GLIS1: variants seen among roughly 807,000 people sequenced by gnomAD.
GLIS1 encodes GLIS family zinc finger 1, also known as zinc finger protein GLIS1.
Under a neutral mutation model 63.8 loss-of-function variants are expected in GLIS1, and 24 were observed. That is an observed-to-expected ratio of 0.38 (90% CI 0.27 to 0.53). The LOEUF (loss-of-function observed/expected upper bound fraction) is 0.53, where lower values mean the gene tolerates loss of function less well. Ranked by LOEUF, GLIS1 falls within the 20% of genes least tolerant of loss-of-function variation. GLIS1 has a pLI of 0.85. For synonymous variants in GLIS1, 450 were observed against 482.5 expected (o/e 0.93, Z 0.88); for missense variants, 1,036 against 1,074.1 (o/e 0.96, Z 0.50).
At chr1:53,527,763 T>C (rs1021409058) in intron 5 of GLIS1, among the ~76,000 whole-genome samples, 2 of 152,154 alleles carry the variant, frequency 1.3e-5, no homozygotes, top group African/African-American at 4.8e-5. Flanking sequence ...GCGGTGTTTA[T>C]GTGGGGAGCT....
chr1:53,525,366 CACCGG>C (rs1644455412), intron 5 of GLIS1, among the ~76,000 whole-genome samples: 1 of 51,312 alleles, frequency 1.9e-5, no homozygotes, highest in Admixed American at 2.5e-4. Context: ...GGTGCAGAGG[CACCGG>C]ACTGCTCTTG....
chr1:53,687,346 A>G (rs1646348374), intron 2 of GLIS1, among the ~76,000 whole-genome samples: 1 of 152,154 alleles, frequency 6.6e-6, no homozygotes, highest in African/African-American at 2.4e-5. Flanking sequence ...AGAAAGAAAG[A>G]GTCTCCTAAG....
At chr1:53,579,014 G>A (rs1557460914) in intron 4 of GLIS1, among the ~76,000 whole-genome samples, 1 of 149,116 alleles carries the variant, frequency 6.7e-6, no homozygotes, top group Non-Finnish European at 1.5e-5. Flanking sequence ...AGAACCTACA[G>A]TCCATGATAC....
At chr1:53,709,587 G>A (rs369421725) in intron 2 of GLIS1, among the ~76,000 whole-genome samples, 26 of 151,880 alleles carry the variant, frequency 1.7e-4, no homozygotes, top group East Asian at 1.2e-3. Context: ...TGGACAAGGA[G>A]GTGTACAGAT....
At chr1:53,523,013 G>A (rs1169924912) in intron 6 of GLIS1, among the ~76,000 whole-genome samples, 2 of 59,134 alleles carry the variant, frequency 3.4e-5, no homozygotes, top group Admixed American at 2.9e-4. Flanking sequence ...TTTGAGACAG[G>A]GTCTTGCTCT....
At chr1:53,685,540 T>A (rs1646327252) in intron 2 of GLIS1, among the ~76,000 whole-genome samples, 2 of 152,214 alleles carry the variant, frequency 1.3e-5, no homozygotes. Context: ...TACAATCTGA[T>A]TAGCAGGCTG....
rs768935299 is a variant in GLIS1 at position 53,594,439 on chromosome 1, T to C, written c.989A>G (p.Glu330Gly). The change falls in exon 4 of 11, where the codon GAG (glutamate) becomes GGG (glycine). Residue 330 changes from glutamate (E) to glycine (G), a missense_variant. Glu to Gly is a moderately conservative substitution (Grantham distance 98, BLOSUM62 -2). Transcript: ENST00000628545. ...LKQEPADEFS[E>G]LFGPHQQGLP... is the part of the protein sequence containing the mutation. ...GCCCTGCTGGTGAGGCCCAAAGAGC[T>C]CTGAAAACTCATCCGCGGGTTCCTG... 3 of 1,612,862 alleles carry C rather than the reference T, an allele frequency of 1.9e-6. No homozygotes were observed. Among genetic ancestry groups the C allele is most frequent in the Non-Finnish European group, 1.7e-6 (2 of 1,179,982 alleles).
At chr1:53,632,224 CTGAGTGTGACTGAGGGGTATGTGTA>C (rs1438697105) in intron 2 of GLIS1, among the ~76,000 whole-genome samples, 1 of 125,404 alleles carries the variant, frequency 8.0e-6, no homozygotes, top group Non-Finnish European at 1.6e-5. Flanking sequence ...GGGCGTGTGA[CTGAGTGTGACTGAGGGGTATGTGTA>C]TGAGTGTGAC....
intron 4 of GLIS1, among the ~76,000 whole-genome samples, chr1:53,554,776 A>T (rs572447113): frequency 6.6e-6 from 1 of 152,294 alleles, no homozygotes; most frequent in African/African-American, 2.4e-5. Flanking sequence ...GCTGGGGCAC[A>T]TTCCCCTGAG....
In GLIS1 at chr1:53,506,849, G is replaced by A. The variant is rs368783509; in HGVS notation, c.2231-73C>T. The A allele has an allele frequency of 2.0e-5, 28 of 1,410,434 alleles. No homozygotes were observed. The African/African-American group carries it at 2.8e-4, about 14-fold the overall frequency. 87.4% of individuals were successfully genotyped at this position (1,410,434 alleles called of 1,614,324 possible). On this transcript the variant is annotated intron_variant, in intron 10 of 10. Transcript: ENST00000628545. ...GCCTGCGCATGCTTCCCAGTTCCAG[G>A]CCCCACCCCGCCTGCCCAGGGTCAT...
chr1:53,532,404 C>G (rs189415273), intron 4 of GLIS1, among the ~76,000 whole-genome samples: 1 of 152,282 alleles, frequency 6.6e-6, no homozygotes, highest in Admixed American at 6.5e-5. Context: ...CTGCGCCTGT[C>G]CCCTGGAAGC....
intron 6 of GLIS1, among the ~76,000 whole-genome samples, chr1:53,521,604 G>T (rs1253724518): frequency 6.6e-6 from 1 of 152,188 alleles, no homozygotes; most frequent in African/African-American, 2.4e-5. Flanking sequence ...AAGTGCTGTA[G>T]TAGGGGTGGC....
At chr1:53,711,519 C>T (rs952521821) in intron 2 of GLIS1, among the ~76,000 whole-genome samples, 3 of 152,240 alleles carry the variant, frequency 2.0e-5, no homozygotes, top group Non-Finnish European at 4.4e-5. Flanking sequence ...GCTTCTCCTC[C>T]AGGTGGGGAG....
intron 2 of GLIS1, among the ~76,000 whole-genome samples, chr1:53,672,036 GC>G (rs528616567): frequency 6.6e-6 from 1 of 152,308 alleles, no homozygotes; most frequent in East Asian, 1.9e-4. Context: ...TACACAGCAG[GC>G]CCTGGCCAAG....
chr1:53,680,271 A>G (rs1016572506), intron 2 of GLIS1, among the ~76,000 whole-genome samples: 1 of 152,212 alleles, frequency 6.6e-6, no homozygotes, highest in Admixed American at 6.5e-5. Flanking sequence ...TCCATCACAT[A>G]AGCCTCATAG....
intron 7 of GLIS1, among the ~76,000 whole-genome samples, chr1:53,519,595 C>T (rs1478120160): frequency 6.6e-6 from 1 of 152,182 alleles, no homozygotes; most frequent in Non-Finnish European, 1.5e-5. Context: ...CTTATCTGGG[C>T]TGGATGCCTA....
chr1:53,590,099 T>C (rs557789016), intron 4 of GLIS1, among the ~76,000 whole-genome samples: 1 of 152,368 alleles, frequency 6.6e-6, no homozygotes, highest in East Asian at 1.9e-4. Context: ...CCAGGGCTAC[T>C]GTACACATCA....
intron 4 of GLIS1, among the ~76,000 whole-genome samples, chr1:53,544,174 A>C (rs926088999): frequency 6.6e-6 from 1 of 152,256 alleles, no homozygotes; most frequent in African/African-American, 2.4e-5. Context: ...CAAAAAGAAA[A>C]GGATGCCATT....
At chr1:53,596,616 T>C (rs1244237111) in intron 3 of GLIS1, among the ~76,000 whole-genome samples, 1 of 152,134 alleles carries the variant, frequency 6.6e-6, no homozygotes, top group Admixed American at 6.5e-5. Context: ...CACCACTGTC[T>C]TGGGGCTCTC....
Sources: gnomAD v4.1 joint callset for allele counts (sites outside exome capture counted in the v4.1 genomes callset) on GRCh38, gnomAD v4.1.1 for gene constraint, MANE v1.5 for transcripts, NCBI Gene and HGNC (gene_info 2026-07-23, HGNC 2026-07-21) for gene names.